The following EPS8 variants were observed in gnomAD, a reference collection of about 807,000 sequenced individuals.
EPS8 encodes EGFR pathway substrate 8, signaling adaptor.
EPS8 carries 42 observed loss-of-function variants against 103.8 expected under a neutral mutation model. The observed-to-expected ratio is 0.40, with a 90% CI of 0.32 to 0.52. The LOEUF (loss-of-function observed/expected upper bound fraction) is 0.52. Among genes scored for constraint, EPS8 ranks in the 20% least tolerant of loss-of-function variants. The pLI is 0.40. For synonymous variants in EPS8, 344 were observed against 344.6 expected (o/e 1.00, Z 0.02); for missense variants, 969 against 1,005.1 (o/e 0.96, Z 0.49).
chr12:15,768,503 C>T (rs1947121198), intron 1 of EPS8, among the ~76,000 whole-genome samples: 1 of 150,766 alleles, frequency 6.6e-6, no homozygotes, highest in African/African-American at 2.4e-5. Context: ...ACAAATTACC[C>T]TAAGTTGGGT....
At chr12:15,783,283 A>AAT (rs2136057331) in intron 1 of EPS8, among the ~76,000 whole-genome samples, 1 of 152,336 alleles carries the variant, frequency 6.6e-6, no homozygotes, top group South Asian at 2.1e-4. Flanking sequence ...TTATTGTAAG[A>AAT]ATACAATGTA....
At position 15,769,969 on chromosome 12, in the gene EPS8, G is replaced by C. The variant is rs987464013; in HGVS notation, c.-22+19192C>G. On this transcript the variant is annotated intron_variant, in intron 1 of 20. Transcript: ENST00000281172. The surrounding 1 kb of genome is among the most constrained non-coding windows in gnomAD (Gnocchi z 4.6). ...TTTTTTTTTCTTTTTTGAGACTAGG[G>C]TCTCGCTCTTTCACCCATGCTGCAG... is the stretch of plus-strand genomic sequence containing the variant. Among the ~76,000 whole-genome samples, 2 of 150,586 alleles carry C rather than the reference G, an allele frequency of 1.3e-5. No homozygotes were observed. Among genetic ancestry groups the C allele is most frequent in the South Asian group, 2.1e-4 (1 of 4,780 alleles).
intron 1 of EPS8, among the ~76,000 whole-genome samples, chr12:15,742,004 G>A (rs1946829443): frequency 6.6e-6 from 1 of 152,050 alleles, no homozygotes; most frequent in Non-Finnish European, 1.5e-5. Flanking sequence ...CAGAATTATG[G>A]TTTCCAGTTT....
At chr12:15,744,812 T>G (rs1402642810) in intron 1 of EPS8, among the ~76,000 whole-genome samples, 1 of 152,304 alleles carries the variant, frequency 6.6e-6, no homozygotes, top group Non-Finnish European at 1.5e-5. Flanking sequence ...CGTTAACAAA[T>G]ACTTTTAAAA....
rs1946151823 is a variant in EPS8, at chr12:15,690,116, AG to A, written c.-21-7145del. On this transcript the variant is annotated intron_variant, in intron 1 of 20. Coordinates refer to ENST00000281172, the MANE Select transcript of EPS8 (RefSeq NM_004447.6). The surrounding 1 kb of genome is among the most constrained non-coding windows in gnomAD (Gnocchi z 4.7). ...GCATCACCTAGAGCAAAGGACATTA[AG>A]CAGCAAACAAAATACTGCAGGTGAC... Among the ~76,000 whole-genome samples, 1 of 152,210 alleles carries A rather than the reference AG, an allele frequency of 6.6e-6. No individual in the cohort carries two copies. The highest frequency in any genetic ancestry group is 2.4e-5 in the African/African-American group (1 of 41,462).
intron 2 of EPS8, 34 bp from the exon 3 acceptor site, chr12:15,681,336 T>TAATAAG: frequency 1.1e-6 from 1 of 924,000 alleles, no homozygotes; most frequent in Non-Finnish European, 1.5e-6. Flanking sequence ...ATAATAATAA[T>TAATAAG]ATAAAAAGGT....
At chr12:15,622,365 G>A (rs1008902117) in intron 20 of EPS8, among the ~76,000 whole-genome samples, 17 of 152,086 alleles carry the variant, frequency 1.1e-4, no homozygotes, top group Non-Finnish European at 1.2e-4. Context: ...GAATGGCTAC[G>A]GGGTGATACG....
At chr12:15,694,597 C>G (rs1946218789) in intron 1 of EPS8, among the ~76,000 whole-genome samples, 1 of 152,072 alleles carries the variant, frequency 6.6e-6, no homozygotes. Context: ...AAAGAGAAGC[C>G]CATTTAAATT....
At chr12:15,754,327 G>T (rs1029134363) in intron 1 of EPS8, among the ~76,000 whole-genome samples, 1 of 152,142 alleles carries the variant, frequency 6.6e-6, no homozygotes, top group Non-Finnish European at 1.5e-5. Context: ...AGGAAAAGAT[G>T]GAGCTGGCAG....
At chr12:15,648,965 T>C (rs1945366575) in intron 14 of EPS8, among the ~76,000 whole-genome samples, 1 of 152,202 alleles carries the variant, frequency 6.6e-6, no homozygotes, top group Non-Finnish European at 1.5e-5. Context: ...TAAAGTATAA[T>C]AAAGTATCTC....
At chr12:15,639,274 T>G (rs1438514055) in intron 17 of EPS8, among the ~76,000 whole-genome samples, 1 of 151,938 alleles carries the variant, frequency 6.6e-6, no homozygotes, top group African/African-American at 2.4e-5. Context: ...GGAAAGAAAA[T>G]GAAGAACTGG....
chr12:15,691,020 A>G (rs1037448890), intron 1 of EPS8, among the ~76,000 whole-genome samples: 5 of 152,106 alleles, frequency 3.3e-5, no homozygotes, highest in African/African-American at 1.2e-4. Context: ...TAATCCTACT[A>G]AGAAAACAAA....
intron 1 of EPS8, among the ~76,000 whole-genome samples, chr12:15,741,137 C>T (rs976922260): frequency 2.6e-5 from 4 of 152,168 alleles, no homozygotes; most frequent in Non-Finnish European, 1.5e-5. Flanking sequence ...TGCATAGAGT[C>T]GTGGGCTCAA....
chr12:15,680,878 C>T (rs1434690510), intron 3 of EPS8, among the ~76,000 whole-genome samples: 2 of 151,976 alleles, frequency 1.3e-5, no homozygotes, highest in Non-Finnish European at 2.9e-5. Context: ...ATCAGGAAAA[C>T]GTTCTGTCAC....
At chr12:15,676,305 A>G (rs1294504439) in intron 3 of EPS8, among the ~76,000 whole-genome samples, 1 of 150,976 alleles carries the variant, frequency 6.6e-6, no homozygotes, top group African/African-American at 2.4e-5. Flanking sequence ...GTCCCCACTT[A>G]GAACCTATTC....
rs376619617 is a variant in EPS8, at chr12:15,669,657, C to T, written c.366+7G>A. On this transcript the variant is annotated splice_region_variant and intron_variant, in intron 5 of 20. Transcript: ENST00000281172. The stretch of plus-strand genomic sequence containing the variant: ...AAAATAAAATAGTATAAATTTTACA[C>T]ACTTGCCTTTGATTCTAAATCAATC... The T allele has an allele frequency of 6.3e-6, 10 of 1,586,854 alleles. No individual in the cohort carries two copies. Among genetic ancestry groups the T allele is most frequent in the Non-Finnish European group, 8.6e-6 (10 of 1,167,364 alleles).
chr12:15,737,593 G>A (rs537218926), intron 1 of EPS8, among the ~76,000 whole-genome samples: 2 of 152,224 alleles, frequency 1.3e-5, no homozygotes, highest in South Asian at 2.1e-4. Context: ...ATTAACAGAT[G>A]ATAAAATTGA....
Position 15,759,513 on chromosome 12 carries a change from T to A in EPS8, c.-22+29648A>T, listed in dbSNP as rs1196596343. 2.6e-5 allele frequency among the ~76,000 whole-genome samples: 4 copies of A among 152,086 alleles called. No individual in the cohort carries two copies. The highest frequency in any genetic ancestry group is 5.9e-5 in the Non-Finnish European group (4 of 67,940). On this transcript the variant is annotated intron_variant, in intron 1 of 20. Coordinates refer to ENST00000281172, the MANE Select transcript of EPS8 (RefSeq NM_004447.6). The surrounding 1 kb of genome is among the most constrained non-coding windows in gnomAD (Gnocchi z 4.9). ...TAAACTTCAGTAGGAAAAACAGAAT[T>A]CCAATTGTGTTTTCATTATAAAATT...
chr12:15,749,402 T>C lies in EPS8; in HGVS notation c.-22+39759A>G, dbSNP rs73316916. Among the ~76,000 whole-genome samples the C allele has an allele frequency of 0.013, 1,912 of 152,344 alleles. 45 individuals carry two copies. The highest frequency in any genetic ancestry group is 0.044 in the African/African-American group (1,830 of 41,576). On this transcript the variant is annotated intron_variant, in intron 1 of 20. Coordinates refer to ENST00000281172, the MANE Select transcript of EPS8 (RefSeq NM_004447.6). This position sits in a 1 kb window ranked among gnomAD's most constrained non-coding sequence, Gnocchi z 4.0. ...AGCAGGAATGTCTTGTTCAACATTATTTCTCAAATGCTAAGCAAAGGGCCT... is the reference window on the plus strand; with the variant it reads ...AGCAGGAATGTCTTGTTCAACATTACTTCTCAAATGCTAAGCAAAGGGCCT...
Sources: allele counts gnomAD v4.1 joint callset (sites outside exome capture counted in the v4.1 genomes callset), GRCh38; gene constraint gnomAD v4.1.1; non-coding constraint Gnocchi (gnomAD v3.1); transcripts MANE v1.5; gene names NCBI Gene and HGNC (gene_info 2026-07-23, HGNC 2026-07-21).